The following CALN1 variants were observed in gnomAD, a reference collection of about 807,000 sequenced individuals.
CALN1 encodes calneuron 1, also known as calcium-binding protein 8.
CALN1 carries 17 observed loss-of-function variants against 30.6 expected under a neutral mutation model. The ratio of observed to expected loss-of-function variants is 0.56; its 90% CI spans 0.38 to 0.83. The LOEUF (loss-of-function observed/expected upper bound fraction) is 0.83, where lower values mean the gene tolerates loss of function less well. Among genes scored for constraint, CALN1 ranks in the 40% least tolerant of loss-of-function variants. CALN1 has a pLI of 0.00. For missense variants in CALN1, 291 were observed against 354.9 expected, an observed-to-expected ratio of 0.82 and a Z score of 1.45; for synonymous variants, 156 against 131.4, an observed-to-expected ratio of 1.19 and a Z score of -1.28.
chr7:72,199,748 C>T (rs534451557), intron 3 of CALN1, among the ~76,000 whole-genome samples: 4 of 152,064 alleles, frequency 2.6e-5, no homozygotes, highest in African/African-American at 9.6e-5. Flanking sequence ...TTGGGAGGAT[C>T]GCTGGAGCCC....
chr7:72,309,929 G>A (rs970186996), intron 2 of CALN1, among the ~76,000 whole-genome samples: 2 of 152,082 alleles, frequency 1.3e-5, no homozygotes, highest in Non-Finnish European at 1.5e-5. Context: ...GACAAACTCC[G>A]ATGCCCTCCA....
chr7:71,957,725 T>C (rs1328577806), intron 5 of CALN1, among the ~76,000 whole-genome samples: 15 of 152,052 alleles, frequency 9.9e-5, no homozygotes. Flanking sequence ...ATTTTAAGAC[T>C]GAAAAATTTA....
chr7:72,080,558 G>A (rs1419293981), intron 4 of CALN1, among the ~76,000 whole-genome samples: 1 of 152,112 alleles, frequency 6.6e-6, no homozygotes, highest in Non-Finnish European at 1.5e-5. Flanking sequence ...GTGAATGTGG[G>A]GTGTAGAGGG....
chr7:72,407,817 G>A (rs933695757), intron 1 of CALN1, among the ~76,000 whole-genome samples: 5 of 152,160 alleles, frequency 3.3e-5, no homozygotes, highest in Non-Finnish European at 7.3e-5. Context: ...AGGGCCGGAT[G>A]GAGGTGGGAT....
chr7:71,809,489 GA>G (rs1337892912), intron 6 of CALN1, among the ~76,000 whole-genome samples: 64 of 121,260 alleles, frequency 5.3e-4, no homozygotes, highest in African/African-American at 1.9e-3. Context: ...GAAAAGAAAA[GA>G]AAAAAAATTT....
intron 5 of CALN1, among the ~76,000 whole-genome samples, chr7:71,899,145 C>CTTTT (rs35581465): frequency 7.4e-6 from 1 of 135,576 alleles, no homozygotes; most frequent in Non-Finnish European, 1.6e-5. Flanking sequence ...GCAGAGACAT[C>CTTTT]TTTTTTTTTT....
intron 1 of CALN1, among the ~76,000 whole-genome samples, chr7:72,408,440 G>GA (rs915658219): frequency 6.6e-6 from 1 of 151,762 alleles, no homozygotes; most frequent in African/African-American, 2.4e-5. Flanking sequence ...CTCGGTCTCA[G>GA]AAAAAAATTA....
chr7:72,305,184 C>T (rs906898528), intron 2 of CALN1, among the ~76,000 whole-genome samples: 1 of 152,174 alleles, frequency 6.6e-6, no homozygotes, highest in African/African-American at 2.4e-5. Flanking sequence ...TTGGGACTGG[C>T]CCCCAGAGAA....
At chr7:72,378,796 G>T (rs1415027957) in intron 2 of CALN1, among the ~76,000 whole-genome samples, 1 of 151,742 alleles carries the variant, frequency 6.6e-6, no homozygotes, top group Non-Finnish European at 1.5e-5. Context: ...TTGAACTCCT[G>T]ACCTCAAGTG....
intron 3 of CALN1, among the ~76,000 whole-genome samples, chr7:72,163,569 C>A (rs921570643): frequency 6.6e-6 from 1 of 152,030 alleles, no homozygotes; most frequent in African/African-American, 2.4e-5. Context: ...AGATGGAGAA[C>A]CTCTGCAGAG....
chr7:72,164,225 G>T (rs1041483305), intron 3 of CALN1, among the ~76,000 whole-genome samples: 1 of 151,680 alleles, frequency 6.6e-6, no homozygotes, highest in South Asian at 2.1e-4. Context: ...AAAATTAGCC[G>T]GGCATGGTGG....
chr7:72,317,091 A>G (rs71535693), intron 2 of CALN1, among the ~76,000 whole-genome samples: 38,049 of 119,184 alleles, frequency 0.32, 7,379 homozygotes, highest in Middle Eastern at 0.5. Context: ...AGAGAGAGAG[A>G]GAGGGAGGGA....
At chr7:72,320,813 C>A (rs541736111) in intron 2 of CALN1, among the ~76,000 whole-genome samples, 2 of 123,522 alleles carry the variant, frequency 1.6e-5, no homozygotes, top group African/African-American at 6.2e-5. Flanking sequence ...CTAGCCTGGG[C>A]GACAGAGCGA....
rs541328455 is a variant in CALN1, at chr7:72,016,368, AC to A, written c.501+7288del. ...GCTTTTTGTATGTAATATTTCCTTC[AC>A]ATGTCACAACCATGAAATGCAAATG... On this transcript the variant is annotated intron_variant, in intron 5 of 6. Transcript: ENST00000395275. Among the ~76,000 whole-genome samples, 68 of 151,808 alleles carry A rather than the reference AC, an allele frequency of 4.5e-4. 2 individuals carry two copies. The South Asian group carries it at 0.014, about 32-fold the overall frequency.
chr7:72,330,278 G>A (rs779368035), intron 2 of CALN1, among the ~76,000 whole-genome samples: 16 of 152,062 alleles, frequency 1.1e-4, no homozygotes, highest in Non-Finnish European at 1.8e-4. Flanking sequence ...GGGTGACACA[G>A]TGAGACTCCA....
chr7:72,070,643 T>A (rs1490193007), intron 4 of CALN1, among the ~76,000 whole-genome samples: 2 of 152,196 alleles, frequency 1.3e-5, no homozygotes, highest in African/African-American at 4.8e-5. Context: ...TAATTTTGTA[T>A]CCAAAACTTC....
the CALN1 span, among the ~76,000 whole-genome samples, chr7:72,492,182 G>A: frequency 6.6e-6 from 1 of 152,226 alleles, no homozygotes; most frequent in Non-Finnish European, 1.5e-5. Flanking sequence ...CCTTCAGTGT[G>A]AACTACATTT....
intron 3 of CALN1, among the ~76,000 whole-genome samples, chr7:72,193,448 C>T (rs1790768329): frequency 6.6e-6 from 1 of 152,128 alleles, no homozygotes; most frequent in Admixed American, 6.5e-5. Context: ...GGTCCAGATG[C>T]CATTGTAGGA....
intron 5 of CALN1, among the ~76,000 whole-genome samples, chr7:72,005,296 C>T (rs1799711339): frequency 1.3e-5 from 2 of 152,178 alleles, no homozygotes; most frequent in Admixed American, 6.5e-5. Context: ...ACAGTTCATC[C>T]TGTAAAATAC....
Sources: gnomAD v4.1 joint callset for allele counts (sites outside exome capture counted in the v4.1 genomes callset) on GRCh38, gnomAD v4.1.1 for gene constraint, MANE v1.5 for transcripts, NCBI Gene and HGNC (gene_info 2026-07-23, HGNC 2026-07-21) for gene names.